ITK: variants seen among roughly 807,000 people sequenced by gnomAD.
ITK encodes tyrosine-protein kinase ITK/TSK.
Under a neutral mutation model 87.6 loss-of-function variants are expected in ITK, and 45 were observed. The ratio of observed to expected loss-of-function variants is 0.51; its 90% CI spans 0.40 to 0.66. ITK has a LOEUF of 0.66. Among genes scored for constraint, ITK ranks in the 30% least tolerant of loss-of-function variants. The pLI is 0.00. For missense variants in ITK, 605 were observed against 766.3 expected (o/e 0.79, Z 2.48); for synonymous variants, 303 against 273.6 (o/e 1.11, Z -1.06).
At chr5:157,207,907 T>C (rs1216609255) in intron 1 of ITK, among the ~76,000 whole-genome samples, 2 of 152,208 alleles carry the variant, frequency 1.3e-5, no homozygotes, top group Non-Finnish European at 2.9e-5. Context: ...TGTTAAGGAC[T>C]TAGACTTCAG....
chr5:157,184,509 G>A (rs963959118), intron 1 of ITK, among the ~76,000 whole-genome samples: 5 of 152,118 alleles, frequency 3.3e-5, no homozygotes, highest in African/African-American at 1.2e-4. Context: ...CCTTTTCAGC[G>A]GTAAAGGGAA....
At chr5:157,233,613 A>C (rs1754702509) in intron 8 of ITK, among the ~76,000 whole-genome samples, 1 of 152,160 alleles carries the variant, frequency 6.6e-6, no homozygotes, top group South Asian at 2.1e-4. Flanking sequence ...TCTCAAGTTA[A>C]ATTTACAATG....
At chr5:157,232,145 T>C (rs1754670247) in intron 7 of ITK, among the ~76,000 whole-genome samples, 195 bp from the exon 8 acceptor site, 1 of 152,232 alleles carries the variant, frequency 6.6e-6, no homozygotes, top group Non-Finnish European at 1.5e-5. Context: ...GAATCATGCA[T>C]TTGCTTTTGA....
At chr5:157,208,503 C>G (rs1290968319) in intron 1 of ITK, among the ~76,000 whole-genome samples, 1 of 152,138 alleles carries the variant, frequency 6.6e-6, no homozygotes, top group Non-Finnish European at 1.5e-5. Context: ...GGTCCGAGCT[C>G]AATTACTATG....
Position 157,237,889 on chromosome 5 carries a change from G to T in ITK, c.769-220G>T, listed in dbSNP as rs13357051. ...GCTTATGTCTCTGTCTCCATTCATGGTTCATGTCAGCATGAGAACAGTCTG... is the reference window on the plus strand; with the variant it reads ...GCTTATGTCTCTGTCTCCATTCATGTTTCATGTCAGCATGAGAACAGTCTG... On this transcript the variant is annotated intron_variant, in intron 8 of 16. Transcript: ENST00000422843. Among the ~76,000 whole-genome samples the T allele has an allele frequency of 0.038, 5,862 of 152,322 alleles. 168 individuals carry two copies. The highest frequency in any genetic ancestry group is 0.077 in the African/African-American group (3,203 of 41,556).
At chr5:157,211,644 A>T (rs1402034761) in intron 3 of ITK, 6 of 455,534 alleles carry the variant, frequency 1.3e-5, no homozygotes, top group Admixed American at 1.0e-4. Context: ...CCTACATAAG[A>T]TGCTTGATTT....
At chr5:157,248,787 G>A (rs1580911508) in intron 15 of ITK, 63 bp from the exon 16 acceptor site, 1 of 1,584,702 alleles carries the variant, frequency 6.3e-7, no homozygotes, top group Non-Finnish European at 8.7e-7. Context: ...CTAGAGGCAG[G>A]TTGGTTTGTT....
In ITK at chr5:157,252,930, C is replaced by T; in HGVS notation, c.*252C>T. 1.8e-6 allele frequency: 1 copy of T among 546,120 alleles called. No homozygotes were observed. Among genetic ancestry groups the T allele is most frequent in the Non-Finnish European group, 3.3e-6 (1 of 300,902 alleles). 33.8% of individuals were successfully genotyped at this position (546,120 alleles called of 1,614,324 possible). On this transcript the variant is annotated 3_prime_UTR_variant, in exon 17 of 17. Coordinates refer to ENST00000422843, the MANE Select transcript of ITK (RefSeq NM_005546.4). Reference sequence around the variant, plus strand: ...GTGATGTCTCTGCCCTTCCTCTAGCCTCTTGTCACATGTGGTGCACAAACC... The same window carrying T: ...GTGATGTCTCTGCCCTTCCTCTAGCTTCTTGTCACATGTGGTGCACAAACC...
intron 1 of ITK, among the ~76,000 whole-genome samples, chr5:157,184,036 C>G (rs2113734319): frequency 6.6e-6 from 1 of 152,228 alleles, no homozygotes; most frequent in African/African-American, 2.4e-5. Context: ...TTCAGAGGGG[C>G]CAAGAAGCGC....
At chr5:157,244,917 G>T in intron 13 of ITK, 1 of 236,558 alleles carries the variant, frequency 4.2e-6, no homozygotes. Flanking sequence ...CGTATGATTT[G>T]TATGCACATT....
At chr5:157,249,849 T>C (rs1030923416) in intron 16 of ITK, among the ~76,000 whole-genome samples, 20 of 152,206 alleles carry the variant, frequency 1.3e-4, no homozygotes, top group African/African-American at 4.8e-4. Flanking sequence ...TCTTATCCAC[T>C]TCATAAGGAT....
At chr5:157,251,010 G>A (rs1268106372) in intron 16 of ITK, among the ~76,000 whole-genome samples, 2 of 152,152 alleles carry the variant, frequency 1.3e-5, no homozygotes, top group African/African-American at 2.4e-5. Context: ...GCAGATTTTT[G>A]TATATAAATT....
At chr5:157,181,666 G>A (rs531373) in intron 1 of ITK, among the ~76,000 whole-genome samples, 16,294 of 152,100 alleles carry the variant, frequency 0.11, 969 homozygotes, top group Middle Eastern at 0.14. Context: ...GATTTCCCAG[G>A]CATTTAATTA....
rs745561238 is a variant in ITK at position 157,245,967 on chromosome 5, G to A, written c.1601G>A (p.Arg534His). Residue 534 changes from arginine to histidine, a missense_variant, in exon 15 of 17, where the codon CGC (arginine) becomes CAC (histidine). Physicochemically the swap from Arg to His is conservative, Grantham distance 29. This residue lies in a region of ITK where 70 missense variants were observed against 122.5 expected (regional missense o/e 0.57). Transcript: ENST00000422843. ...TCCCCAGAGGTTTTCTCTTTCAGTC[G>A]CTATAGCAGCAAGTCCGATGTGTGG... ...WASPEVFSFS[R>H]YSSKSDVWSF... The A allele has an allele frequency of 8.7e-6, 14 of 1,613,788 alleles. No homozygotes were observed. The East Asian group carries it at 2.0e-4, about 23-fold the overall frequency.
chr5:157,221,850 A>T (rs910282772), intron 5 of ITK, among the ~76,000 whole-genome samples: 1 of 152,028 alleles, frequency 6.6e-6, no homozygotes, highest in African/African-American at 2.4e-5. Context: ...AAATATCTAG[A>T]TTTCAAATTC....
At position 157,214,306 on chromosome 5, in the gene ITK, T is replaced by C. The variant is rs781121115; in HGVS notation, c.441T>C (p.Asp147=). 1.2e-6 allele frequency: 2 copies of C among 1,613,544 alleles called. No homozygotes were observed. The highest frequency in any genetic ancestry group is 1.7e-6 in the Non-Finnish European group (2 of 1,179,466). The part of the protein sequence containing the change: ...EKLATGCAQY[D]PTKNASKKPL... ...TTGCAACAGGCTGTGCCCAATATGA[T>C]CCAACCAAGAATGGTAAGAGACTGG... is the stretch of plus-strand genomic sequence containing the variant. Residue 147 remains aspartate, a synonymous_variant, in exon 4 of 17, where the codon GAT becomes GAC. Coordinates refer to ENST00000422843, the MANE Select transcript of ITK (RefSeq NM_005546.4).
intron 8 of ITK, 129 bp from the exon 9 acceptor site, chr5:157,237,980 T>C (rs1754811071): frequency 4.2e-6 from 3 of 716,752 alleles, no homozygotes; most frequent in Non-Finnish European, 7.7e-6. Flanking sequence ...GTAGCCATTC[T>C]TACTGAAATC....
At chr5:157,223,146 G>A in intron 6 of ITK, 132 bp downstream of exon 6, 1 of 1,088,078 alleles carries the variant, frequency 9.2e-7, no homozygotes, top group East Asian at 2.4e-5. Flanking sequence ...AGAGGCAGAA[G>A]GAAGAGGGAG....
chr5:157,212,340 A>G (rs1482020719), intron 3 of ITK, among the ~76,000 whole-genome samples: 1 of 152,222 alleles, frequency 6.6e-6, no homozygotes, highest in Admixed American at 6.5e-5. Flanking sequence ...GGATAAGCAA[A>G]CTATTTGTTA....
Sources: gnomAD v4.1 joint callset for allele counts (sites outside exome capture counted in the v4.1 genomes callset) on GRCh38, gnomAD v4.1.1 for gene constraint, gnomAD v4.1.1 regional missense constraint, MANE v1.5 for transcripts, NCBI Gene and HGNC (gene_info 2026-07-23, HGNC 2026-07-21) for gene names.